Variants in SPG11 observed in about 807,000 individuals in gnomAD.
The protein encoded by SPG11 is SPG11 vesicle trafficking associated, spatacsin, also known as spatacsin.
A neutral mutation model predicts 274.0 loss-of-function variants in SPG11; 222 were observed. The observed-to-expected ratio is 0.81, with a 90% CI of 0.73 to 0.91. The LOEUF (loss-of-function observed/expected upper bound fraction) is 0.91. Among genes scored for constraint, SPG11 ranks in the 40% least tolerant of loss-of-function variants. The pLI is 0.00. For missense variants in SPG11, 3,114 were observed against 2,872.7 expected (o/e 1.08, Z -1.92); for synonymous variants, 1,144 against 1,039.7 (o/e 1.10, Z -1.93).
At chr15:44,598,444 G>T in intron 22 of SPG11, 71 bp from the exon 23 acceptor site, 1 of 1,436,012 alleles carries the variant, frequency 7.0e-7, no homozygotes, top group Non-Finnish European at 9.8e-7. Context: ...TGTTTGAATA[G>T]TGTGGCTCAG....
chr15:44,630,470 G>A (rs969274299), intron 8 of SPG11, among the ~76,000 whole-genome samples: 2 of 152,088 alleles, frequency 1.3e-5, no homozygotes, highest in Non-Finnish European at 2.9e-5. Context: ...CAAAAACTAG[G>A]CCTTTTTCTA....
intron 20 of SPG11, among the ~76,000 whole-genome samples, chr15:44,603,799 C>T (rs1351888086): frequency 6.6e-6 from 1 of 152,116 alleles, no homozygotes; most frequent in African/African-American, 2.4e-5. Context: ...ACTTATAATA[C>T]CCAATAAATG....
chr15:44,657,357 C>T, intron 3 of SPG11, 61 bp from the exon 4 acceptor site: 4 of 1,510,682 alleles, frequency 2.6e-6, no homozygotes, highest in Non-Finnish European at 3.7e-6. Context: ...ATTTAAAGCA[C>T]AGGTTGGGAA....
chr15:44,594,709 G>C (rs998336760), intron 26 of SPG11, among the ~76,000 whole-genome samples: 1 of 152,022 alleles, frequency 6.6e-6, no homozygotes, highest in Non-Finnish European at 1.5e-5. Context: ...GCTGGAGTGA[G>C]CCTTATTATG....
At position 44,651,780 on chromosome 15, in the gene SPG11, C is replaced by A; in HGVS notation, c.1167G>T (p.Gln389His). 6.2e-7 allele frequency: 1 copy of A among 1,614,156 alleles called. No homozygotes were observed. The highest frequency in any genetic ancestry group is 8.5e-7 in the Non-Finnish European group (1 of 1,180,022). ...CATTATATTGCCCATGCATTATGTCCTGTGGAATGAAGGCCCAGCTCTGCA... is the reference window on the plus strand; with the variant it reads ...CATTATATTGCCCATGCATTATGTCATGTGGAATGAAGGCCCAGCTCTGCA... The part of the protein sequence containing the change: ...TSVQSWAFIP[Q>H]DIMHGQYNVL... The change falls in exon 6 of 40, where the codon CAG (glutamine) becomes CAT (histidine). Residue 389 changes from glutamine (Q) to histidine (H), a missense_variant. Coordinates refer to ENST00000261866, the MANE Select transcript of SPG11 (RefSeq NM_025137.4).
intron 29 of SPG11, among the ~76,000 whole-genome samples, chr15:44,584,877 C>T (rs1024312084): frequency 3.3e-5 from 5 of 152,192 alleles, no homozygotes; most frequent in Non-Finnish European, 7.3e-5. Context: ...AATCCTCCTG[C>T]CTTGCCCTCC....
At position 44,585,627 on chromosome 15, in the gene SPG11, C is replaced by A. The variant is rs1478827562; in HGVS notation, c.5121+9G>T. 6.4e-7 allele frequency: 1 copy of A among 1,554,352 alleles called. No homozygotes were observed. The stretch of plus-strand genomic sequence containing the variant: ...TAAAAAAAAAAAAAAAAAAAAAGAC[C>A]GATGATACCTCTTTAATAACCAAGT... On this transcript the variant is annotated intron_variant, in intron 29 of 39. Coordinates refer to ENST00000261866, the MANE Select transcript of SPG11 (RefSeq NM_025137.4).
intron 28 of SPG11, among the ~76,000 whole-genome samples, chr15:44,587,958 C>T (rs989719697): frequency 6.6e-6 from 1 of 152,026 alleles, no homozygotes; most frequent in African/African-American, 2.4e-5. Context: ...ATTTGGTCTG[C>T]ACAGTAACTG....
At chr15:44,598,988 T>G in intron 21 of SPG11, 152 bp from the exon 22 acceptor site, 1 of 782,406 alleles carries the variant, frequency 1.3e-6, no homozygotes, top group Non-Finnish European at 2.2e-6. Context: ...ACATACCCGT[T>G]TAGGTTCCTG....
At chr15:44,655,141 T>C (rs1421658244) in intron 4 of SPG11, among the ~76,000 whole-genome samples, 3 of 152,054 alleles carry the variant, frequency 2.0e-5, no homozygotes, top group Admixed American at 6.6e-5. Context: ...TAAAAAGTGA[T>C]CTCTTTAGCT....
At chr15:44,629,522 A>G in intron 8 of SPG11, 134 bp from the exon 9 acceptor site, 1 of 985,934 alleles carries the variant, frequency 1.0e-6, no homozygotes, top group East Asian at 2.6e-5. Flanking sequence ...AAAAGCTCAC[A>G]AAACTTTTCT....
chr15:44,573,899 T>C (rs1470499298), intron 31 of SPG11, 154 bp from the exon 32 acceptor site: 3 of 682,654 alleles, frequency 4.4e-6, no homozygotes, highest in Non-Finnish European at 7.7e-6. Flanking sequence ...CAAGTACTGT[T>C]TTCTAACCCT....
chr15:44,595,997 C>G, intron 25 of SPG11, 86 bp downstream of exon 25: 2 of 1,546,452 alleles, frequency 1.3e-6, no homozygotes, highest in Non-Finnish European at 1.8e-6. Flanking sequence ...ATCATCACCC[C>G]ACTTCTGATT....
chr15:44,622,844 G>C, intron 11 of SPG11, 45 bp from the exon 12 acceptor site: 2 of 1,317,430 alleles, frequency 1.5e-6, no homozygotes, highest in East Asian at 4.6e-5. Context: ...TTTTGTAATG[G>C]AACTATTTTG....
intron 25 of SPG11, 149 bp downstream of exon 25, chr15:44,595,934 G>A (rs1398368404): frequency 9.4e-6 from 10 of 1,068,006 alleles, no homozygotes; most frequent in African/African-American, 1.6e-5. Flanking sequence ...CTAAGCTAGA[G>A]AAGCACAAAA....
chr15:44,625,787 T>C (rs1433113702), intron 11 of SPG11, among the ~76,000 whole-genome samples: 3 of 152,088 alleles, frequency 2.0e-5, no homozygotes, highest in African/African-American at 7.2e-5. Context: ...CAAGCAATTT[T>C]CCCTGCCTCA....
At position 44,628,110 on chromosome 15, in the gene SPG11, C is replaced by T. The variant is rs530508684; in HGVS notation, c.2067+559G>A. 7.2e-5 allele frequency among the ~76,000 whole-genome samples: 11 copies of T among 152,216 alleles called. No homozygotes were observed. The South Asian group carries it at 1.7e-3, about 23-fold the overall frequency. On this transcript the variant is annotated intron_variant, in intron 10 of 39. Transcript: ENST00000261866. ...CCTCCAGTGGATGAAGGAATTCTTC[C>T]AGTCCCTAAGTCATACAGATGGTAG...
At position 44,562,773 on chromosome 15, in the gene SPG11, AAAT is replaced by A. The variant is rs150223479; in HGVS notation, c.*345_*347del. On this transcript the variant is annotated 3_prime_UTR_variant, in exon 40 of 40. Transcript: ENST00000261866. Reference sequence around the variant, plus strand: ...TGTATCACCTGTTCCTTAACTGTGTAAATAATAATTAAATTTCTTTGAAACTGG... The same window carrying A: ...TGTATCACCTGTTCCTTAACTGTGTAAATAATTAAATTTCTTTGAAACTGG... 2,043 of 236,062 alleles carry A rather than the reference AAAT, an allele frequency of 8.7e-3. 52 individuals carry two copies. The highest frequency in any genetic ancestry group is 0.044 in the African/African-American group (1,933 of 43,762). The allele number at this position is 236,062 out of a possible 1,614,324, so 14.6% of individuals were successfully genotyped here. A position where few individuals can be genotyped will look rare whatever the true frequency, so the allele number is the denominator to read the frequency against.
In SPG11 at chr15:44,590,432, G is replaced by GT. The variant is rs200770993; in HGVS notation, c.4744-1019dup. On this transcript the variant is annotated intron_variant, in intron 27 of 39. Coordinates refer to ENST00000261866, the MANE Select transcript of SPG11 (RefSeq NM_025137.4). The stretch of plus-strand genomic sequence containing the variant: ...TGGTGCTTTCTTACCTGCTGCTGCT[G>GT]TTTTTTTTTCTTTCCTTTGTGTTGG... The GT allele has an allele frequency of 8.5e-3, 1,276 of 150,862 alleles. 16 individuals carry two copies. Among genetic ancestry groups the GT allele is most frequent in the African/African-American group, 0.025 (1,033 of 41,114 alleles). 9.3% of individuals were successfully genotyped at this position (150,862 alleles called of 1,614,324 possible). A position where few individuals can be genotyped will look rare whatever the true frequency, so the allele number is the denominator to read the frequency against.
Sources: gnomAD v4.1 joint callset for allele counts (sites outside exome capture counted in the v4.1 genomes callset) on GRCh38, gnomAD v4.1.1 for gene constraint, MANE v1.5 for transcripts, NCBI Gene and HGNC (gene_info 2026-07-23, HGNC 2026-07-21) for gene names.